ZNF462: variants seen among roughly 807,000 people sequenced by gnomAD.
ZNF462 encodes the protein zinc finger PBX1-interacting protein.
In ZNF462, 10 loss-of-function variants were observed where a neutral mutation model predicts 201.9. That is an observed-to-expected ratio of 0.05 (90% CI 0.03 to 0.08). The LOEUF is 0.08. ZNF462 is among the 10% of genes least tolerant of loss of function. ZNF462 has a pLI of 1.00. For synonymous variants in ZNF462, 1,227 were observed against 1,193.3 expected (o/e 1.03, Z -0.58); for missense variants, 2,523 against 3,168.3 (o/e 0.80, Z 4.89).
At position 106,932,734 on chromosome 9, in the gene ZNF462, A is replaced by T. The variant is rs1830474663; in HGVS notation, c.6116+185A>T. 1 of 712,678 alleles carries T rather than the reference A, an allele frequency of 1.4e-6. No homozygotes were observed. The highest frequency in any genetic ancestry group is 1.8e-5 in the African/African-American group (1 of 55,976). 44.1% of individuals were successfully genotyped at this position (712,678 alleles called of 1,614,324 possible). ...GGGCTGAGAACAGGAGATTGATCGG[A>T]TGGCGTTAGATTTGGCAAATGCAGG... is the stretch of plus-strand genomic sequence containing the variant. On this transcript the variant is annotated intron_variant, in intron 5 of 12. Transcript: ENST00000277225. This position sits in a 1 kb window ranked among gnomAD's most constrained non-coding sequence, Gnocchi z 6.8.
chr9:106,961,613 A>G (rs772607084), intron 7 of ZNF462, among the ~76,000 whole-genome samples: 12 of 151,862 alleles, frequency 7.9e-5, no homozygotes, highest in Non-Finnish European at 1.6e-4. Context: ...TCTGGGGTAC[A>G]TCGACTTAAA....
At position 106,924,290 on chromosome 9, in the gene ZNF462, C is replaced by T. The variant is rs147499760; in HGVS notation, c.378C>T (p.His126=). 1 of 1,613,998 alleles carries T rather than the reference C, an allele frequency of 6.2e-7. No homozygotes were observed. The highest frequency in any genetic ancestry group is 1.3e-5 in the African/African-American group (1 of 74,896). The change falls in exon 3 of 13, where the codon CAC becomes CAT. Residue 126 remains histidine (H), a synonymous_variant. Coordinates refer to ENST00000277225, the MANE Select transcript of ZNF462 (RefSeq NM_021224.6). The surrounding 1 kb of genome is among the most constrained non-coding windows in gnomAD (Gnocchi z 6.2). ...GGTCAAAAAACCTCCTCATAGAACA[C>T]ACTAGAAAGGTCCATGGAGCTCAAG... ...YFRSKNLLIE[H]TRKVHGAQAE...
chr9:106,951,704 G>C (rs1831355879), intron 7 of ZNF462, among the ~76,000 whole-genome samples: 1 of 152,072 alleles, frequency 6.6e-6, no homozygotes, highest in Non-Finnish European at 1.5e-5. Flanking sequence ...TGACAGCAAC[G>C]GATCTGCAAC....
chr9:106,861,986 T>C (rs939826031), upstream of ZNF462, among the ~76,000 whole-genome samples: 2 of 152,164 alleles, frequency 1.3e-5, no homozygotes, highest in African/African-American at 2.4e-5. Flanking sequence ...TCTTTTTTTC[T>C]TTTGGTGCGC....
chr9:106,965,726 A>G (rs566039962), intron 7 of ZNF462, among the ~76,000 whole-genome samples: 2 of 152,188 alleles, frequency 1.3e-5, no homozygotes, highest in Admixed American at 1.3e-4. Flanking sequence ...CAAAGCTTGA[A>G]TAGTCTTTCA....
At position 106,929,153 on chromosome 9, in the gene ZNF462, C is replaced by G. The variant is rs769784910; in HGVS notation, c.5241C>G (p.Ser1747=). ...AGCCCAACAAAGTGATCATCCCATC[C>G]CCGCCCAAGGACGACTCCCCTCAGC... ...SDKPNKVIIP[S]PPKDDSPQLS... The change falls in exon 3 of 13, where the codon TCC becomes TCG. Residue 1747 remains serine (S), a synonymous_variant. Transcript: ENST00000277225. The surrounding 1 kb of genome is among the most constrained non-coding windows in gnomAD (Gnocchi z 8.7). The G allele has an allele frequency of 6.2e-7, 1 of 1,614,140 alleles. No individual in the cohort carries two copies. The highest frequency in any genetic ancestry group is 8.5e-7 in the Non-Finnish European group (1 of 1,180,030).
rs571243584 is a variant in ZNF462, at chr9:106,970,351, A to G, written c.6428-1654A>G. On this transcript the variant is annotated intron_variant, in intron 7 of 12. Coordinates refer to ENST00000277225, the MANE Select transcript of ZNF462 (RefSeq NM_021224.6). This position sits in a 1 kb window ranked among gnomAD's most constrained non-coding sequence, Gnocchi z 4.2. ...TATGAATTGAGGAGGCGGGGAGGAG[A>G]ACAAGAAGGGGAAGATATTTGAGTG... is the stretch of plus-strand genomic sequence containing the variant. Among the ~76,000 whole-genome samples the G allele has an allele frequency of 1.3e-5, 2 of 152,196 alleles. No homozygotes were observed. The highest frequency in any genetic ancestry group is 3.9e-4 in the East Asian group (2 of 5,174).
At position 106,984,500 on chromosome 9, in the gene ZNF462, G is replaced by C. The variant is rs1827680486; in HGVS notation, c.7056+91G>C. On this transcript the variant is annotated intron_variant, in intron 10 of 12. Transcript: ENST00000277225. This position sits in a 1 kb window ranked among gnomAD's most constrained non-coding sequence, Gnocchi z 6.4. Reference sequence around the variant, plus strand: ...CACTGCATTTAGTCACGACCACTGTGTACCAGATGGAGATGTGGACTCAAA... The same window carrying C: ...CACTGCATTTAGTCACGACCACTGTCTACCAGATGGAGATGTGGACTCAAA... 2 of 973,948 alleles carry C rather than the reference G, an allele frequency of 2.1e-6. No homozygotes were observed. Among genetic ancestry groups the C allele is most frequent in the South Asian group, 3.3e-5 (2 of 61,360 alleles). 60.3% of individuals were successfully genotyped at this position (973,948 alleles called of 1,614,324 possible). A position where few individuals can be genotyped will look rare whatever the true frequency, so the allele number is the denominator to read the frequency against.
chr9:106,997,034 T>C (rs771643215), intron 10 of ZNF462, among the ~76,000 whole-genome samples: 1 of 152,170 alleles, frequency 6.6e-6, no homozygotes, highest in Non-Finnish European at 1.5e-5. Context: ...ACAACAAATA[T>C]AGTTTCATGG....
Position 107,009,576 on chromosome 9 carries a change from T to C in ZNF462, c.7221T>C (p.Ala2407=), listed in dbSNP as rs1229774170. ...TGAGATTTTCTGACCACGGGGCTGC[T>C]CTTAACACTGAGAAGCGTTTTCCAT... ...ELMRFSDHGA[A]LNTEKRFPCE... The change falls in exon 12 of 13, where the codon GCT becomes GCC. Residue 2407 remains alanine (A), a synonymous_variant. Coordinates refer to ENST00000277225, the MANE Select transcript of ZNF462 (RefSeq NM_021224.6). The surrounding 1 kb of genome is among the most constrained non-coding windows in gnomAD (Gnocchi z 6.1). 6.2e-7 allele frequency: 1 copy of C among 1,614,036 alleles called. No homozygotes were observed. Among genetic ancestry groups the C allele is most frequent in the Non-Finnish European group, 8.5e-7 (1 of 1,179,954 alleles).
intron 7 of ZNF462, among the ~76,000 whole-genome samples, chr9:106,967,227 T>C (rs1026356834): frequency 1.3e-5 from 2 of 152,102 alleles, no homozygotes; most frequent in African/African-American, 2.4e-5. Context: ...CTAATAAATA[T>C]GAGTTTCTAG....
intron 10 of ZNF462, among the ~76,000 whole-genome samples, chr9:106,990,237 C>G (rs758826872): frequency 2.0e-5 from 3 of 151,950 alleles, no homozygotes; most frequent in African/African-American, 4.8e-5. Context: ...TTTGAAGATT[C>G]CTTTTTAGAG....
At position 106,924,504 on chromosome 9, in the gene ZNF462, G is replaced by C; in HGVS notation, c.592G>C (p.Ala198Pro). ...NLKETTAPPP[A>P]PAPMPDPVVP... ...GAAGGAGACCACTGCTCCCCCACCT[G>C]CTCCTGCTCCAATGCCAGACCCTGT... Residue 198 changes from alanine (A) to proline (P), a missense_variant, in exon 3 of 13, where the codon GCT becomes CCT. Transcript: ENST00000277225. The surrounding 1 kb of genome is among the most constrained non-coding windows in gnomAD (Gnocchi z 6.2). 6.2e-7 allele frequency: 1 copy of C among 1,614,102 alleles called. No homozygotes were observed. The highest frequency in any genetic ancestry group is 8.5e-7 in the Non-Finnish European group (1 of 1,180,034).
rs1213942463 is a variant in ZNF462, at chr9:106,981,441, G to A, written c.6833-2745G>A. The stretch of plus-strand genomic sequence containing the variant: ...CACAGCTTTGTGCTGAACCAGAGGT[G>A]TGACTTTGAGGAAGTAGCTTAATTG... On this transcript the variant is annotated intron_variant, in intron 9 of 12. Coordinates refer to ENST00000277225, the MANE Select transcript of ZNF462 (RefSeq NM_021224.6). This position sits in a 1 kb window ranked among gnomAD's most constrained non-coding sequence, Gnocchi z 4.0. Among the ~76,000 whole-genome samples the A allele has an allele frequency of 6.6e-6, 1 of 152,202 alleles. No individual in the cohort carries two copies. The highest frequency in any genetic ancestry group is 1.5e-5 in the Non-Finnish European group (1 of 68,036).
At position 106,929,156 on chromosome 9, in the gene ZNF462, G is replaced by A. The variant is rs763452696; in HGVS notation, c.5244G>A (p.Pro1748=). 123 of 1,613,910 alleles carry A rather than the reference G, an allele frequency of 7.6e-5. No individual in the cohort carries two copies. The East Asian group carries it at 1.0e-3, about 13-fold the overall frequency. The change falls in exon 3 of 13, where the codon CCG becomes CCA. Residue 1748 remains proline, a synonymous_variant. Coordinates refer to ENST00000277225, the MANE Select transcript of ZNF462 (RefSeq NM_021224.6). This position sits in a 1 kb window ranked among gnomAD's most constrained non-coding sequence, Gnocchi z 8.7. ...CCAACAAAGTGATCATCCCATCCCCGCCCAAGGACGACTCCCCTCAGCTGA... is the reference window on the plus strand; with the variant it reads ...CCAACAAAGTGATCATCCCATCCCCACCCAAGGACGACTCCCCTCAGCTGA... ...DKPNKVIIPS[P]PKDDSPQLSE...
chr9:106,976,641 C>T (rs1827021816), intron 9 of ZNF462: 1 of 152,114 alleles, frequency 6.6e-6, no homozygotes, highest in Non-Finnish European at 1.5e-5. Flanking sequence ...TTATCAAGGT[C>T]AGAAAACATC....
Position 106,917,383 on chromosome 9 carries a change from A to T in ZNF462, c.-30-5971A>T, listed in dbSNP as rs1564096353. Among the ~76,000 whole-genome samples, 1 of 152,232 alleles carries T rather than the reference A, an allele frequency of 6.6e-6. No homozygotes were observed. The highest frequency in any genetic ancestry group is 1.5e-5 in the Non-Finnish European group (1 of 68,044). ...TGGCCAGTAGGTGATTGGGTTATTA[A>T]TCTGCAAATTGCCTGCTTCAGACTT... On this transcript the variant is annotated intron_variant, in intron 1 of 12. Transcript: ENST00000277225. The surrounding 1 kb of genome is among the most constrained non-coding windows in gnomAD (Gnocchi z 4.5).
rs371470139 is a variant in ZNF462, at chr9:106,929,408, C to T, written c.5496C>T (p.Ala1832=). ...EEEERGNFEK[A]EVEGEAQEIE... is the part of the protein sequence containing the mutation. The stretch of plus-strand genomic sequence containing the variant: ...AGGAGAGAGGCAACTTTGAGAAAGC[C>T]GAGGTGGAGGGTGAAGCTCAGGAAA... Residue 1832 remains alanine (A), a synonymous_variant, in exon 3 of 13, where the codon GCC becomes GCT. Coordinates refer to ENST00000277225, the MANE Select transcript of ZNF462 (RefSeq NM_021224.6). The surrounding 1 kb of genome is among the most constrained non-coding windows in gnomAD (Gnocchi z 8.7). 76 of 1,613,882 alleles carry T rather than the reference C, an allele frequency of 4.7e-5. No homozygotes were observed. The highest frequency in any genetic ancestry group is 8.3e-5 in the Admixed American group (5 of 59,992).
At chr9:106,964,527 T>C (rs1373035992) in intron 7 of ZNF462, among the ~76,000 whole-genome samples, 1 of 152,062 alleles carries the variant, frequency 6.6e-6, no homozygotes, top group African/African-American at 2.4e-5. Context: ...TCACCTACAC[T>C]GCGTTGTGTG....
Sources: allele counts gnomAD v4.1 joint callset (sites outside exome capture counted in the v4.1 genomes callset), GRCh38; gene constraint gnomAD v4.1.1; non-coding constraint Gnocchi (gnomAD v3.1); transcripts MANE v1.5; gene names NCBI Gene and HGNC (gene_info 2026-07-23, HGNC 2026-07-21).